The following COA1 variants were observed in gnomAD, a reference collection of about 807,000 sequenced individuals.
COA1 encodes the protein cytochrome c oxidase assembly factor 1 homolog.
Under a neutral mutation model 16.0 loss-of-function variants are expected in COA1, and 13 were observed. The observed-to-expected ratio is 0.81, with a 90% confidence interval of 0.53 to 1.29. The LOEUF is 1.29. COA1 is among the 50% of genes most tolerant of loss of function. COA1 has a pLI of 0.00. For missense variants in COA1, 179 were observed against 177.0 expected (o/e 1.01, Z -0.06); for synonymous variants, 65 against 65.7 (o/e 0.99, Z 0.05).
intron 1 of COA1, among the ~76,000 whole-genome samples, chr7:43,709,165 A>G (rs2095116588): frequency 6.6e-6 from 1 of 151,758 alleles, no homozygotes; most frequent in African/African-American, 2.4e-5. Context: ...CTGGGACTAC[A>G]GGCGCCTGCC....
intron 1 of COA1, among the ~76,000 whole-genome samples, chr7:43,691,441 G>T (rs1395664282): frequency 2.9e-4 from 38 of 132,312 alleles, no homozygotes; most frequent in Admixed American, 4.3e-4. Flanking sequence ...AAGAAAGAAA[G>T]AAAGAAAGAA....
intron 1 of COA1, among the ~76,000 whole-genome samples, chr7:43,724,988 C>A (rs1272501860): frequency 6.6e-6 from 1 of 152,242 alleles, no homozygotes; most frequent in Non-Finnish European, 1.5e-5. Flanking sequence ...CCTGCAATCC[C>A]AGCACTTTGG....
At chr7:43,617,334 C>G (rs1489799370) in intron 6 of COA1, among the ~76,000 whole-genome samples, 1 of 152,212 alleles carries the variant, frequency 6.6e-6, no homozygotes, top group African/African-American at 2.4e-5. Flanking sequence ...GTGGGCAAAA[C>G]AGATCCTAGC....
intron 1 of COA1, among the ~76,000 whole-genome samples, chr7:43,728,522 G>A (rs2095666709): frequency 6.6e-6 from 1 of 152,156 alleles, no homozygotes; most frequent in South Asian, 2.1e-4. Context: ...CATGGTGGGA[G>A]CATAATATGA....
chr7:43,717,324 C>T (rs1160555771), intron 1 of COA1, among the ~76,000 whole-genome samples: 1 of 152,164 alleles, frequency 6.6e-6, no homozygotes, highest in Non-Finnish European at 1.5e-5. Flanking sequence ...TACCCAAGAC[C>T]ATAGGCAGCT....
At chr7:43,677,757 T>C (rs1007194119) in intron 1 of COA1, among the ~76,000 whole-genome samples, 4 of 141,138 alleles carry the variant, frequency 2.8e-5, no homozygotes, top group African/African-American at 1.1e-4. Context: ...CAAGATCATA[T>C]ACCACTGCAC....
At chr7:43,699,259 G>C (rs371043026) in intron 1 of COA1, among the ~76,000 whole-genome samples, 3 of 152,062 alleles carry the variant, frequency 2.0e-5, no homozygotes, top group Non-Finnish European at 4.4e-5. Context: ...ATTTTACAGA[G>C]AGCACAGCAA....
intron 4 of COA1, chr7:43,641,930 C>T (rs1475696593): frequency 6.6e-6 from 1 of 152,208 alleles, no homozygotes; most frequent in Non-Finnish European, 1.5e-5. Context: ...AGGCATCTCC[C>T]AGAGTGCCTT....
intron 1 of COA1, among the ~76,000 whole-genome samples, chr7:43,651,833 C>A (rs2090876690): frequency 6.6e-6 from 1 of 151,798 alleles, no homozygotes; most frequent in African/African-American, 2.4e-5. Flanking sequence ...CGAAACTCTA[C>A]AAAAAATACA....
intron 1 of COA1, among the ~76,000 whole-genome samples, chr7:43,686,559 G>A (rs1295967555): frequency 6.6e-6 from 1 of 152,116 alleles, no homozygotes; most frequent in African/African-American, 2.4e-5. Context: ...CTCCCAAAGT[G>A]CTGGGATTAC....
At position 43,686,586 on chromosome 7, in the gene COA1, G is replaced by A. The variant is rs565829973; in HGVS notation, c.-38-37934C>T. Among the ~76,000 whole-genome samples the A allele has an allele frequency of 1.8e-3, 280 of 152,256 alleles. 1 individual carries two copies. The highest frequency in any genetic ancestry group is 3.4e-3 in the Non-Finnish European group (228 of 68,006). ...TGGGATTACAGGCGTGAGCCACCGCGCCCGGCCGGCTTTGTTTCTTTTAAT... is the reference window on the plus strand; with the variant it reads ...TGGGATTACAGGCGTGAGCCACCGCACCCGGCCGGCTTTGTTTCTTTTAAT... On this transcript the variant is annotated intron_variant, in intron 1 of 5. Coordinates refer to ENST00000223336, the MANE Select transcript of COA1 (RefSeq NM_018224.4).
chr7:43,653,290 C>G (rs961364728), intron 1 of COA1, among the ~76,000 whole-genome samples: 1 of 150,712 alleles, frequency 6.6e-6, no homozygotes, highest in East Asian at 1.9e-4. Flanking sequence ...CCAGCCTGGG[C>G]GACAAAGCGA....
intron 1 of COA1, among the ~76,000 whole-genome samples, chr7:43,710,375 A>AATATATATATAT (rs1554558920): frequency 1.3e-3 from 47 of 36,436 alleles, no homozygotes; most frequent in African/African-American, 4.6e-3. Context: ...AAAAAAAAAA[A>AATATATATATAT]ATATATATAT....
intron 1 of COA1, among the ~76,000 whole-genome samples, chr7:43,663,500 T>C (rs900574860): frequency 3.3e-5 from 5 of 151,726 alleles, no homozygotes; most frequent in Non-Finnish European, 5.9e-5. Flanking sequence ...ACAGATTTAC[T>C]ACATCAAAAA....
rs144811471 is a variant in COA1, at chr7:43,647,968, A to G, written c.16-334T>C. 165 of 279,672 alleles carry G rather than the reference A, an allele frequency of 5.9e-4. 2 individuals carry two copies. In the East Asian group the frequency reaches 0.012, roughly 20 times the overall value. 17.3% of individuals were successfully genotyped at this position (279,672 alleles called of 1,614,324 possible). A position where few individuals can be genotyped will look rare whatever the true frequency, so the allele number is the denominator to read the frequency against. On this transcript the variant is annotated intron_variant, in intron 2 of 5. Coordinates refer to ENST00000223336, the MANE Select transcript of COA1 (RefSeq NM_018224.4). Reference sequence around the variant, plus strand: ...TGTGCCAAGCCCCGCATGGCCAGGAAGCACAACCACTTTGTCTCAGGCCAA... The same window carrying G: ...TGTGCCAAGCCCCGCATGGCCAGGAGGCACAACCACTTTGTCTCAGGCCAA...
downstream of COA1, among the ~76,000 whole-genome samples, chr7:43,635,873 TTAAAAGA>T (rs1021937098): frequency 6.6e-6 from 1 of 152,186 alleles, no homozygotes; most frequent in African/African-American, 2.4e-5. Flanking sequence ...AAGATAAGTG[TTAAAAGA>T]TAAGTGTTAC....
intron 1 of COA1, among the ~76,000 whole-genome samples, chr7:43,695,700 G>A (rs866674882): frequency 3.2e-4 from 48 of 150,860 alleles, no homozygotes; most frequent in African/African-American, 1.1e-3. Flanking sequence ...AAAAATTTAA[G>A]TCTGGTAAAA....
chr7:43,648,291 C>T (rs948070346), intron 2 of COA1: 15 of 489,696 alleles, frequency 3.1e-5, no homozygotes, highest in African/African-American at 2.9e-4. Context: ...GTCAGAGCAT[C>T]TCTGAAGAAT....
intron 1 of COA1, among the ~76,000 whole-genome samples, chr7:43,686,368 G>A (rs922951897): frequency 2.7e-5 from 4 of 148,378 alleles, no homozygotes; most frequent in Non-Finnish European, 4.5e-5. Context: ...GTGCTGTGGC[G>A]CGATCTCCGC....
Sources: allele counts gnomAD v4.1 joint callset (sites outside exome capture counted in the v4.1 genomes callset), GRCh38; gene constraint gnomAD v4.1.1; transcripts MANE v1.5; gene names NCBI Gene and HGNC (gene_info 2026-07-23, HGNC 2026-07-21).